The following CDH13 variants were observed in gnomAD, a reference collection of about 807,000 sequenced individuals.
CDH13 encodes cadherin 13.
Under a neutral mutation model 63.8 loss-of-function variants are expected in CDH13, and 24 were observed. That is an observed-to-expected ratio of 0.38 (90% CI 0.27 to 0.53). CDH13 has a LOEUF of 0.53. CDH13 is among the 20% of genes least tolerant of loss of function. CDH13 has a pLI of 0.85. For missense variants in CDH13, 1,049 were observed against 903.1 expected (o/e 1.16, Z -2.07); for synonymous variants, 503 against 355.3 (o/e 1.42, Z -4.67).
rs79943234 is a variant in CDH13, at chr16:82,760,613, A to G, written c.46-97749A>G. Among the ~76,000 whole-genome samples, 97 of 152,344 alleles carry G rather than the reference A, an allele frequency of 6.4e-4. 2 individuals carry two copies. Among genetic ancestry groups the G allele is most frequent in the Middle Eastern group, 3.4e-3 (1 of 294 alleles). On this transcript the variant is annotated intron_variant, in intron 1 of 13. Transcript: ENST00000567109. ...CAAGAGGGAAACAGAAGTTATTTCTATATGACTCTGATAGCACCTGTATTT... is the reference window on the plus strand; with the variant it reads ...CAAGAGGGAAACAGAAGTTATTTCTGTATGACTCTGATAGCACCTGTATTT...
At chr16:83,416,393 C>G (rs904088520) in intron 6 of CDH13, among the ~76,000 whole-genome samples, 1 of 152,178 alleles carries the variant, frequency 6.6e-6, no homozygotes, top group Admixed American at 6.6e-5. Flanking sequence ...CTCAGTGGAG[C>G]TTCTTCCTTC....
At chr16:82,974,260 A>G (rs1486354001) in intron 2 of CDH13, among the ~76,000 whole-genome samples, 3 of 152,142 alleles carry the variant, frequency 2.0e-5, no homozygotes, top group Non-Finnish European at 4.4e-5. Context: ...TGTAAGATGC[A>G]TTCATGTCAG....
At chr16:83,576,330 G>C (rs1251529860) in intron 7 of CDH13, among the ~76,000 whole-genome samples, 2 of 152,192 alleles carry the variant, frequency 1.3e-5, no homozygotes, top group Non-Finnish European at 2.9e-5. Flanking sequence ...GTTGTAGCAT[G>C]CATCAGTATT....
intron 4 of CDH13, among the ~76,000 whole-genome samples, chr16:83,161,292 G>A (rs188884759): frequency 6.6e-6 from 1 of 152,206 alleles, no homozygotes; most frequent in Admixed American, 6.5e-5. Flanking sequence ...CACTTTGGGA[G>A]GCTAAGTTCA....
At chr16:82,815,965 A>G (rs967917233) in intron 1 of CDH13, among the ~76,000 whole-genome samples, 16 of 152,216 alleles carry the variant, frequency 1.1e-4, no homozygotes, top group African/African-American at 2.9e-4. Context: ...ACTGTGTTTT[A>G]TTTCAGAATA....
chr16:83,433,398 C>G (rs998677310), intron 6 of CDH13, among the ~76,000 whole-genome samples: 1 of 152,192 alleles, frequency 6.6e-6, no homozygotes, highest in Non-Finnish European at 1.5e-5. Flanking sequence ...TTTGTGACTT[C>G]TAATTCAGCA....
intron 2 of CDH13, among the ~76,000 whole-genome samples, chr16:82,986,332 T>C (rs1347675823): frequency 6.6e-6 from 1 of 152,156 alleles, no homozygotes; most frequent in African/African-American, 2.4e-5. Context: ...TTTGATACAA[T>C]CAAAACCAAG....
At chr16:83,247,329 G>A (rs997822521) in intron 5 of CDH13, among the ~76,000 whole-genome samples, 25 of 152,180 alleles carry the variant, frequency 1.6e-4, no homozygotes, top group Admixed American at 1.6e-3. Flanking sequence ...GCTTCCAGGT[G>A]AGGAACTCAG....
At chr16:83,586,919 T>C (rs1197092440) in intron 7 of CDH13, among the ~76,000 whole-genome samples, 1 of 152,212 alleles carries the variant, frequency 6.6e-6, no homozygotes, top group Non-Finnish European at 1.5e-5. Context: ...ATTAGTTCAA[T>C]TTATTTTCAA....
At chr16:82,923,254 A>G (rs893652392) in intron 2 of CDH13, among the ~76,000 whole-genome samples, 1 of 152,248 alleles carries the variant, frequency 6.6e-6, no homozygotes, top group Non-Finnish European at 1.5e-5. Flanking sequence ...CATACTGCTC[A>G]GTATCTGGCA....
chr16:83,514,269 C>G (rs1422440375), intron 7 of CDH13, among the ~76,000 whole-genome samples: 1 of 152,194 alleles, frequency 6.6e-6, no homozygotes, highest in Non-Finnish European at 1.5e-5. Flanking sequence ...CAGAATGTGT[C>G]TTTTCAGATG....
rs2041721748 is a variant in CDH13, at chr16:82,908,522, A to G, written c.157+50049A>G. Among the ~76,000 whole-genome samples the G allele has an allele frequency of 3.3e-5, 5 of 152,226 alleles. No homozygotes were observed. In the South Asian group the frequency reaches 1.0e-3, roughly 32 times the overall value. ...GATGAAGGCATTTTTTAAACACCTT[A>G]TTTAACAATTCAGAGTCTAGATACG... On this transcript the variant is annotated intron_variant, in intron 2 of 13. Coordinates refer to ENST00000567109, the MANE Select transcript of CDH13 (RefSeq NM_001257.5).
intron 1 of CDH13, among the ~76,000 whole-genome samples, chr16:82,701,907 C>T (rs183910432): frequency 3.3e-5 from 5 of 152,076 alleles, no homozygotes; most frequent in Admixed American, 6.5e-5. Flanking sequence ...TACCCAGCCA[C>T]GTGGACTTAG....
intron 5 of CDH13, among the ~76,000 whole-genome samples, chr16:83,235,954 A>G (rs1027057772): frequency 2.0e-5 from 3 of 152,176 alleles, no homozygotes; most frequent in Non-Finnish European, 4.4e-5. Context: ...TTGAGTTGTT[A>G]CCATTTGACT....
At chr16:83,042,514 G>A (rs557961802) in intron 3 of CDH13, among the ~76,000 whole-genome samples, 3 of 152,194 alleles carry the variant, frequency 2.0e-5, no homozygotes, top group East Asian at 3.9e-4. Flanking sequence ...ATGGTGCGTT[G>A]TATACTTATC....
chr16:83,007,393 A>T (rs1913643768), intron 2 of CDH13, among the ~76,000 whole-genome samples: 1 of 152,224 alleles, frequency 6.6e-6, no homozygotes, highest in Non-Finnish European at 1.5e-5. Flanking sequence ...TATGGTTCAA[A>T]ATGGCAGTTA....
intron 8 of CDH13, among the ~76,000 whole-genome samples, chr16:83,668,190 C>G (rs1387934260): frequency 6.6e-6 from 1 of 152,136 alleles, no homozygotes; most frequent in African/African-American, 2.4e-5. Flanking sequence ...TTCACATTCC[C>G]TCAGGCCTCA....
chr16:83,248,316 C>G (rs1905165986), intron 5 of CDH13, among the ~76,000 whole-genome samples: 1 of 152,142 alleles, frequency 6.6e-6, no homozygotes, highest in South Asian at 2.1e-4. Context: ...AAATCCTACC[C>G]TCTAGCTATG....
chr16:83,799,066 C>G lies in CDH13; in HGVS notation c.*4036C>G, dbSNP rs1904298994. 6.6e-6 allele frequency: 1 copy of G among 152,060 alleles called. No individual in the cohort carries two copies. Among genetic ancestry groups the G allele is most frequent in the African/African-American group, 2.4e-5 (1 of 41,414 alleles). The allele number at this position is 152,060 out of a possible 1,614,324, so 9.4% of individuals were successfully genotyped here. A position where few individuals can be genotyped will look rare whatever the true frequency, so the allele number is the denominator to read the frequency against. The stretch of plus-strand genomic sequence containing the variant: ...GTGACTCATGCCTGTAATCCCAGCC[C>G]TTTGGGAGGCAGAGGCGGGTGGATC... On this transcript the variant is annotated 3_prime_UTR_variant, in exon 14 of 14. Coordinates refer to ENST00000567109, the MANE Select transcript of CDH13 (RefSeq NM_001257.5).
Sources: allele counts gnomAD v4.1 joint callset (sites outside exome capture counted in the v4.1 genomes callset), GRCh38; gene constraint gnomAD v4.1.1; transcripts MANE v1.5; gene names NCBI Gene and HGNC (gene_info 2026-07-23, HGNC 2026-07-21).